The following NGEF variants were observed in gnomAD, a reference collection of about 807,000 sequenced individuals.
NGEF encodes the protein neuronal guanine nucleotide exchange factor.
Under a neutral mutation model 80.9 loss-of-function variants are expected in NGEF, and 31 were observed. The ratio of observed to expected loss-of-function variants is 0.38; its 90% CI spans 0.29 to 0.52. NGEF has a LOEUF of 0.52. Among genes scored for constraint, NGEF ranks in the 20% least tolerant of loss-of-function variants. NGEF has a pLI of 0.84. For missense variants in NGEF, 709 were observed against 926.2 expected (o/e 0.77, Z 3.04); for synonymous variants, 371 against 370.2 (o/e 1.00, Z -0.03).
intron 2 of NGEF, among the ~76,000 whole-genome samples, chr2:232,973,315 C>T (rs957973810): frequency 3.3e-5 from 5 of 152,142 alleles, no homozygotes; most frequent in African/African-American, 4.8e-5. Context: ...GCTTCCACGA[C>T]GATAGTATTT....
At chr2:232,954,033 C>A (rs903262444) in intron 3 of NGEF, among the ~76,000 whole-genome samples, 14 of 152,108 alleles carry the variant, frequency 9.2e-5, no homozygotes, top group Admixed American at 6.6e-5. Flanking sequence ...TAAAAAAATC[C>A]TTTCTTCCTA....
intron 3 of NGEF, chr2:232,928,120 C>A: frequency 9.9e-7 from 1 of 1,012,816 alleles, no homozygotes; most frequent in Non-Finnish European, 1.2e-6. Flanking sequence ...TCGACCGGAG[C>A]TGCAGCCGCC....
chr2:232,905,509 C>T lies in NGEF; in HGVS notation c.829-10593G>A, dbSNP rs1320470494. The stretch of plus-strand genomic sequence containing the variant: ...CCCCAAAGTGCGGAGATTGCAGCCT[C>T]TGCCGGTCCGCCACCCCGTCTGGGA... On this transcript the variant is annotated intron_variant, in intron 5 of 14. Transcript: ENST00000264051. 3 of 286,752 alleles carry T rather than the reference C, an allele frequency of 1.0e-5. No homozygotes were observed. The East Asian group carries it at 4.4e-4, about 42-fold the overall frequency. 17.8% of individuals were successfully genotyped at this position (286,752 alleles called of 1,614,324 possible). A position where few individuals can be genotyped will look rare whatever the true frequency, so the allele number is the denominator to read the frequency against.
chr2:232,999,271 T>C (rs927310455), intron 1 of NGEF, among the ~76,000 whole-genome samples: 4 of 152,168 alleles, frequency 2.6e-5, no homozygotes, highest in African/African-American at 9.7e-5. Context: ...CTTTTTGGTG[T>C]ATAAAGAATC....
chr2:232,967,670 C>T (rs374540764), intron 3 of NGEF, among the ~76,000 whole-genome samples: 2 of 151,616 alleles, frequency 1.3e-5, no homozygotes, highest in Non-Finnish European at 2.9e-5. Flanking sequence ...CAGCCTAATC[C>T]ACCCATAATA....
At chr2:232,880,047 C>G (rs1438224576) in intron 14 of NGEF, among the ~76,000 whole-genome samples, 2 of 152,194 alleles carry the variant, frequency 1.3e-5, no homozygotes, top group African/African-American at 4.8e-5. Context: ...GGCAGCCGAG[C>G]ACGTGGTTAG....
intron 1 of NGEF, among the ~76,000 whole-genome samples, chr2:233,010,378 C>T (rs1206613282): frequency 1.3e-5 from 2 of 152,148 alleles, no homozygotes; most frequent in Non-Finnish European, 2.9e-5. Context: ...AGAATTACTA[C>T]CTTATTTTCA....
Position 232,898,237 on chromosome 2 carries a change from C to T in NGEF, c.829-3321G>A, listed in dbSNP as rs577648010. 1.1e-4 allele frequency among the ~76,000 whole-genome samples: 16 copies of T among 152,366 alleles called. No homozygotes were observed. In the East Asian group the frequency reaches 1.5e-3, roughly 15 times the overall value. ...AAGGGGAAAACCCCCATGCCCACAGCGCCACATCACAGAAAAGCATGCCAT... is the reference window on the plus strand; with the variant it reads ...AAGGGGAAAACCCCCATGCCCACAGTGCCACATCACAGAAAAGCATGCCAT... On this transcript the variant is annotated intron_variant, in intron 5 of 14. Coordinates refer to ENST00000264051, the MANE Select transcript of NGEF (RefSeq NM_019850.3).
intron 1 of NGEF, among the ~76,000 whole-genome samples, chr2:233,001,217 C>T (rs999249952): frequency 6.6e-6 from 1 of 152,190 alleles, no homozygotes; most frequent in Admixed American, 6.5e-5. Context: ...TGAGTGCAAC[C>T]GTGGCAGGTT....
intron 12 of NGEF, 135 bp downstream of exon 12, chr2:232,883,176 G>A (rs1009619186): frequency 9.0e-6 from 10 of 1,110,260 alleles, no homozygotes; most frequent in African/African-American, 3.2e-5. Flanking sequence ...GGGTCTGGAC[G>A]GGAAGGATGG....
intron 3 of NGEF, 124 bp downstream of exon 3, chr2:232,970,090 G>T: frequency 2.2e-6 from 1 of 457,552 alleles, no homozygotes. Context: ...TTTAGCACGG[G>T]CAACCAAAAG....
chr2:232,950,578 C>T (rs1693657928), intron 3 of NGEF, among the ~76,000 whole-genome samples: 1 of 152,214 alleles, frequency 6.6e-6, no homozygotes, highest in Admixed American at 6.5e-5. Context: ...TGGTCCACCC[C>T]TGCCTTCAGG....
At chr2:232,936,881 C>T (rs1397690868) in intron 3 of NGEF, among the ~76,000 whole-genome samples, 3 of 152,182 alleles carry the variant, frequency 2.0e-5, no homozygotes, top group Admixed American at 1.3e-4. Flanking sequence ...TGGGCACCCC[C>T]AAACTCTGCC....
chr2:232,992,038 A>T (rs953995346), intron 1 of NGEF, among the ~76,000 whole-genome samples: 27 of 152,216 alleles, frequency 1.8e-4, no homozygotes, highest in African/African-American at 2.2e-4. Flanking sequence ...CAAAGAATGA[A>T]TTTGGATTCC....
intron 14 of NGEF, among the ~76,000 whole-genome samples, chr2:232,880,604 T>C (rs1691465210): frequency 6.6e-6 from 1 of 152,218 alleles, no homozygotes; most frequent in African/African-American, 2.4e-5. Flanking sequence ...CACACAGATG[T>C]GATTTGAAAA....
Position 232,980,009 on chromosome 2 carries a change from G to A in NGEF, c.-74-5045C>T, listed in dbSNP as rs145857892. 4.3e-3 allele frequency among the ~76,000 whole-genome samples: 649 copies of A among 152,302 alleles called. 5 individuals carry two copies. The highest frequency in any genetic ancestry group is 0.015 in the African/African-American group (626 of 41,554). ...TAATCTGGCCAAGGTCGCATGGCTG[G>A]CAAATGGTGCGGCAGGGGTCACACT... On this transcript the variant is annotated intron_variant, in intron 1 of 14. Transcript: ENST00000264051.
intron 3 of NGEF, among the ~76,000 whole-genome samples, chr2:232,960,532 T>C (rs1017141977): frequency 5.9e-5 from 9 of 152,222 alleles, no homozygotes; most frequent in Non-Finnish European, 1.0e-4. Flanking sequence ...CTGGGTTCAC[T>C]GTCTGGCTGT....
In NGEF at chr2:232,891,347, G is replaced by A. The variant is rs755988666; in HGVS notation, c.1272+11C>T. 3.1e-6 allele frequency: 5 copies of A among 1,613,174 alleles called. No homozygotes were observed. The highest frequency in any genetic ancestry group is 2.2e-5 in the East Asian group (1 of 44,878). Reference sequence around the variant, plus strand: ...AAGCCCCGTCTGTGGGTCAGGTGGAGGAGGCTGTACCTGGACCAACAGCTT... The same window carrying A: ...AAGCCCCGTCTGTGGGTCAGGTGGAAGAGGCTGTACCTGGACCAACAGCTT... On this transcript the variant is annotated intron_variant, in intron 8 of 14. Coordinates refer to ENST00000264051, the MANE Select transcript of NGEF (RefSeq NM_019850.3).
At chr2:233,003,594 C>T (rs1695026294) in intron 1 of NGEF, among the ~76,000 whole-genome samples, 1 of 152,158 alleles carries the variant, frequency 6.6e-6, no homozygotes, top group South Asian at 2.1e-4. Flanking sequence ...ACCACCCTGC[C>T]CTACCACCCC....
Sources: allele counts gnomAD v4.1 joint callset (sites outside exome capture counted in the v4.1 genomes callset), GRCh38; gene constraint gnomAD v4.1.1; transcripts MANE v1.5; gene names NCBI Gene and HGNC (gene_info 2026-07-23, HGNC 2026-07-21).